The following XKR9 variants were observed in gnomAD, a reference collection of about 807,000 sequenced individuals.
XKR9 encodes the protein XK related 9.
XKR9 carries 32 observed loss-of-function variants against 32.0 expected under a neutral mutation model. That is an observed-to-expected ratio of 1.00 (90% CI 0.76 to 1.34). The LOEUF (loss-of-function observed/expected upper bound fraction) is 1.34, where lower values mean the gene tolerates loss of function less well. Among genes scored for constraint, XKR9 ranks in the 40% most tolerant of loss-of-function variants. XKR9 has a pLI of 0.00. For synonymous variants in XKR9, 168 were observed against 143.4 expected (o/e 1.17, Z -1.22); for missense variants, 546 against 429.7 (o/e 1.27, Z -2.39).
the XKR9 span, among the ~76,000 whole-genome samples, chr8:70,917,513 T>G: frequency 6.6e-6 from 1 of 152,200 alleles, no homozygotes. Flanking sequence ...ATTTGGGTAT[T>G]AAATGCATTT....
intron 3 of XKR9, among the ~76,000 whole-genome samples, chr8:70,687,312 C>CTCTGTCTT (rs1554544428): frequency 2.9e-5 from 4 of 138,252 alleles, no homozygotes; most frequent in Non-Finnish European, 6.1e-5. Context: ...TCTCTCCTCC[C>CTCTGTCTT]TCTTTCTTTC....
the XKR9 span, among the ~76,000 whole-genome samples, chr8:70,919,072 C>T: frequency 7.9e-5 from 12 of 151,840 alleles, no homozygotes; most frequent in African/African-American, 2.9e-4. Context: ...CCACTGCGCC[C>T]GGCCGATCAT....
the XKR9 span, among the ~76,000 whole-genome samples, chr8:71,015,677 A>G: frequency 1.3e-5 from 2 of 152,188 alleles, no homozygotes; most frequent in Non-Finnish European, 2.9e-5. Flanking sequence ...CTGCAAAATC[A>G]TACACCAGAG....
intron 2 of XKR9, among the ~76,000 whole-genome samples, chr8:70,756,245 G>A (rs1807224603): frequency 1.3e-5 from 2 of 152,150 alleles, no homozygotes; most frequent in South Asian, 4.1e-4. Context: ...TCTTTTGTCA[G>A]TACTACACTG....
intron 3 of XKR9, among the ~76,000 whole-genome samples, chr8:70,695,704 G>T (rs1299787182): frequency 6.6e-6 from 1 of 151,780 alleles, no homozygotes; most frequent in Non-Finnish European, 1.5e-5. Flanking sequence ...GTAATGGGAT[G>T]GCTGGGTCAA....
intron 2 of XKR9, among the ~76,000 whole-genome samples, chr8:70,770,349 T>C (rs1162523992): frequency 6.6e-6 from 1 of 152,164 alleles, no homozygotes; most frequent in Non-Finnish European, 1.5e-5. Flanking sequence ...CAGATGCCAT[T>C]TGGAGCTCTT....
chr8:71,033,586 T>C, the XKR9 span, among the ~76,000 whole-genome samples: 1 of 152,150 alleles, frequency 6.6e-6, no homozygotes, highest in Non-Finnish European at 1.5e-5. Context: ...TTGAGGTGGA[T>C]CCCTCATGAA....
chr8:71,029,175 A>T, the XKR9 span, among the ~76,000 whole-genome samples: 1 of 152,154 alleles, frequency 6.6e-6, no homozygotes, highest in Non-Finnish European at 1.5e-5. Flanking sequence ...GAGTTACAAA[A>T]GCATTTCTTT....
intron 2 of XKR9, among the ~76,000 whole-genome samples, chr8:70,761,107 C>T (rs537383169): frequency 3.9e-4 from 60 of 152,312 alleles, no homozygotes; most frequent in African/African-American, 1.1e-3. Flanking sequence ...TTCATCCAGT[C>T]GACCATTGAT....
the XKR9 span, among the ~76,000 whole-genome samples, chr8:70,958,965 C>A: frequency 1.1e-4 from 16 of 151,722 alleles, no homozygotes; most frequent in Non-Finnish European, 1.6e-4. Flanking sequence ...TAGTATATAG[C>A]CTATTATACA....
downstream of XKR9, among the ~76,000 whole-genome samples, chr8:70,794,826 T>TGTGA (rs1554558710): frequency 6.8e-6 from 1 of 147,186 alleles, no homozygotes; most frequent in Non-Finnish European, 1.5e-5. Context: ...TCTTCTTTTG[T>TGTGA]GTGTGTGTGT....
chr8:70,887,935 C>A, the XKR9 span, among the ~76,000 whole-genome samples: 1 of 152,034 alleles, frequency 6.6e-6, no homozygotes, highest in Non-Finnish European at 1.5e-5. Context: ...TGCTTGATTT[C>A]TCCGGCCAGA....
downstream of XKR9, among the ~76,000 whole-genome samples, chr8:70,736,778 A>C (rs1461789668): frequency 2.6e-5 from 4 of 151,802 alleles, no homozygotes; most frequent in African/African-American, 9.7e-5. Context: ...AGATAGTTGT[A>C]GATATGCGGC....
At chr8:70,790,623 T>A (rs901269973), downstream of XKR9, among the ~76,000 whole-genome samples, 1 of 152,070 alleles carries the variant, frequency 6.6e-6, no homozygotes, top group African/African-American at 2.4e-5. Flanking sequence ...AGAGGATGTT[T>A]GCCTTTTTAT....
the XKR9 span, among the ~76,000 whole-genome samples, chr8:71,004,670 G>A: frequency 2.6e-5 from 4 of 152,120 alleles, no homozygotes; most frequent in East Asian, 3.9e-4. Flanking sequence ...CACTTGAACC[G>A]CACAAGTGGT....
the XKR9 span, among the ~76,000 whole-genome samples, chr8:70,859,716 A>G: frequency 1.3e-5 from 2 of 152,148 alleles, no homozygotes; most frequent in African/African-American, 2.4e-5. Context: ...GGTCATTATA[A>G]TAAGTGAAAT....
chr8:70,978,685 A>G, the XKR9 span, among the ~76,000 whole-genome samples: 6 of 151,792 alleles, frequency 4.0e-5, no homozygotes, highest in African/African-American at 1.5e-4. Context: ...CTTCATTTCA[A>G]CCTTGGTGAA....
chr8:70,825,897 C>A, the XKR9 span, among the ~76,000 whole-genome samples: 1 of 152,006 alleles, frequency 6.6e-6, no homozygotes, highest in Admixed American at 6.6e-5. Context: ...GAATTTTCTG[C>A]AAAGAGATTT....
the XKR9 span, among the ~76,000 whole-genome samples, chr8:70,858,868 A>G: frequency 6.6e-6 from 1 of 152,298 alleles, no homozygotes. Context: ...AAATGGATTT[A>G]AGACTTAAAT....
Sources: allele counts gnomAD v4.1 joint callset (sites outside exome capture counted in the v4.1 genomes callset), GRCh38; gene constraint gnomAD v4.1.1; transcripts MANE v1.5; gene names NCBI Gene and HGNC (gene_info 2026-07-23, HGNC 2026-07-21).